ZGLP1: variants seen among roughly 807,000 people sequenced by gnomAD.
The protein encoded by ZGLP1 is GATA-type zinc finger protein 1.
In ZGLP1, 11 loss-of-function variants were observed where a neutral mutation model predicts 21.4. The observed-to-expected ratio is 0.51, with a 90% confidence interval of 0.32 to 0.85. ZGLP1 has a LOEUF of 0.85. Ranked by LOEUF, ZGLP1 falls within the 40% of genes least tolerant of loss-of-function variation. ZGLP1 has a pLI of 0.03. For missense variants in ZGLP1, 295 were observed against 355.6 expected, an observed-to-expected ratio of 0.83 and a Z score of 1.37; for synonymous variants, 148 against 145.0, an observed-to-expected ratio of 1.02 and a Z score of -0.15.
chr19:10,308,694 G>C, exon 1 of ZGLP1: 8 of 1,485,954 alleles, frequency 5.4e-6, no homozygotes, highest in Non-Finnish European at 7.2e-6. Context: ...CTAACTCTGG[G>C]TGGAAGGTTT....
Position 10,305,320 on chromosome 19 carries a change from C to T in ZGLP1, c.698+70G>A. 6.5e-7 allele frequency: 1 copy of T among 1,546,450 alleles called. No individual in the cohort carries two copies. Among genetic ancestry groups the T allele is most frequent in the South Asian group, 1.2e-5 (1 of 86,396 alleles). The stretch of plus-strand genomic sequence containing the variant: ...GGTGTTTTGCTTTTTGCTTTCCCCA[C>T]AGGCCATCCTGGTTACACGTGGACT... On this transcript the variant is annotated intron_variant, in intron 3 of 3. Transcript: ENST00000403903. This position sits in a 1 kb window ranked among gnomAD's most constrained non-coding sequence, Gnocchi z 4.7.
At position 10,305,166 on chromosome 19, in the gene ZGLP1, C is replaced by T. The variant is rs773090752; in HGVS notation, c.741G>A (p.Val247=). 21 of 1,613,898 alleles carry T rather than the reference C, an allele frequency of 1.3e-5. No individual in the cohort carries two copies. Among genetic ancestry groups the T allele is most frequent in the East Asian group, 4.5e-5 (2 of 44,896 alleles). Residue 247 remains valine, a synonymous_variant, in exon 4 of 4, where the codon GTG becomes GTA. Transcript: ENST00000403903. The surrounding 1 kb of genome is among the most constrained non-coding windows in gnomAD (Gnocchi z 4.7). ...TCTTGGGCTGGACATTTTTCCTGGG[C>T]ACCAGCCAGCAGCTGGAGCAGCGAG... is the stretch of plus-strand genomic sequence containing the variant.
chr19:10,308,140 G>C, intron 1 of ZGLP1, 45 bp downstream of exon 2: 1 of 1,507,800 alleles, frequency 6.6e-7, no homozygotes, highest in Non-Finnish European at 8.8e-7. Flanking sequence ...TGGTGTTTGC[G>C]TTGTAACTGG....
chr19:10,306,503 C>A (rs927882215), intron 1 of ZGLP1, among the ~76,000 whole-genome samples: 1 of 152,070 alleles, frequency 6.6e-6, no homozygotes, highest in South Asian at 2.1e-4. Context: ...GCTGTGTGAG[C>A]CTGGACACAT....
chr19:10,305,778 G>A lies in ZGLP1; in HGVS notation c.604+68C>T. On this transcript the variant is annotated intron_variant, in intron 2 of 3. Transcript: ENST00000403903. This position sits in a 1 kb window ranked among gnomAD's most constrained non-coding sequence, Gnocchi z 4.7. ...GCAAGATGGAGAAGGGGGGGGCAGGGAGAAAGGCAGGGAAGACAGGAAATT... is the reference window on the plus strand; with the variant it reads ...GCAAGATGGAGAAGGGGGGGGCAGGAAGAAAGGCAGGGAAGACAGGAAATT... 1 of 1,274,354 alleles carries A rather than the reference G, an allele frequency of 7.8e-7. No homozygotes were observed. The highest frequency in any genetic ancestry group is 1.1e-6 in the Non-Finnish European group (1 of 894,498). 78.9% of individuals were successfully genotyped at this position (1,274,354 alleles called of 1,614,324 possible).
intron 1 of ZGLP1, among the ~76,000 whole-genome samples, chr19:10,307,346 CTTT>C (rs543276157): frequency 3.7e-4 from 46 of 122,950 alleles, no homozygotes; most frequent in Admixed American, 4.3e-4. Context: ...CTTCCCAAAG[CTTT>C]TTTTTTTTTT....
rs1283543511 is a variant in ZGLP1 at position 10,305,366 on chromosome 19, A to G, written c.698+24T>C. ...GGACTGATTTGGGGACCCCCGCCCC[A>G]ACTCCCTCCTCCATTCTAAGGACCT... is the stretch of plus-strand genomic sequence containing the variant. On this transcript the variant is annotated intron_variant, in intron 3 of 3. Coordinates refer to ENST00000403903, the Ensembl canonical transcript of ZGLP1. The surrounding 1 kb of genome is among the most constrained non-coding windows in gnomAD (Gnocchi z 4.7). The G allele has an allele frequency of 6.4e-7, 1 of 1,573,430 alleles. No individual in the cohort carries two copies. The highest frequency in any genetic ancestry group is 2.3e-5 in the East Asian group (1 of 42,882).
exon 1 of ZGLP1, chr19:10,308,611 G>C (rs749726247): frequency 6.5e-7 from 1 of 1,545,740 alleles, no homozygotes; most frequent in Non-Finnish European, 8.7e-7. Context: ...AGCCGGCCAG[G>C]GGGTTCCAAC....
chr19:10,307,034 T>G (rs1599288050), intron 1 of ZGLP1, among the ~76,000 whole-genome samples: 1 of 151,268 alleles, frequency 6.6e-6, no homozygotes, highest in African/African-American at 2.4e-5. Flanking sequence ...CTCCAGAGGC[T>G]GAGGCAGGAG....
At chr19:10,304,989 A>C (rs981725048) in exon 4 of ZGLP1, 6 of 887,358 alleles carry the variant, frequency 6.8e-6, no homozygotes, top group African/African-American at 3.4e-5. Context: ...GAGAGGAGGC[A>C]GGCCGGCTCT....
Position 10,305,713 on chromosome 19 carries a change from G to C in ZGLP1, c.604+133C>G. The C allele has an allele frequency of 1.3e-6, 1 of 788,994 alleles. No homozygotes were observed. Among genetic ancestry groups the C allele is most frequent in the Non-Finnish European group, 2.1e-6 (1 of 469,708 alleles). The allele number at this position is 788,994 out of a possible 1,614,324, so 48.9% of individuals were successfully genotyped here. A position where few individuals can be genotyped will look rare whatever the true frequency, so the allele number is the denominator to read the frequency against. ...GGGGGTGACTCAGCCCAAGTGGAGG[G>C]GGGTGCTGCGACTCCTCCCTGAGGG... On this transcript the variant is annotated intron_variant, in intron 2 of 3. Transcript: ENST00000403903. The surrounding 1 kb of genome is among the most constrained non-coding windows in gnomAD (Gnocchi z 4.7).
chr19:10,307,119 G>C (rs2040283742), intron 1 of ZGLP1, among the ~76,000 whole-genome samples: 1 of 149,754 alleles, frequency 6.7e-6, no homozygotes, highest in Non-Finnish European at 1.5e-5. Flanking sequence ...GAACGACAGA[G>C]TGCAACTCCA....
Position 10,305,719 on chromosome 19 carries a change from C to T in ZGLP1, c.604+127G>A. Reference sequence around the variant, plus strand: ...GACTCAGCCCAAGTGGAGGGGGGTGCTGCGACTCCTCCCTGAGGGCTCTAA... The same window carrying T: ...GACTCAGCCCAAGTGGAGGGGGGTGTTGCGACTCCTCCCTGAGGGCTCTAA... On this transcript the variant is annotated intron_variant, in intron 2 of 3. Coordinates refer to ENST00000403903, the Ensembl canonical transcript of ZGLP1. This position sits in a 1 kb window ranked among gnomAD's most constrained non-coding sequence, Gnocchi z 4.7. 1.2e-6 allele frequency: 1 copy of T among 815,422 alleles called. No homozygotes were observed. The highest frequency in any genetic ancestry group is 2.0e-6 in the Non-Finnish European group (1 of 492,936). The allele number at this position is 815,422 out of a possible 1,614,324, so 50.5% of individuals were successfully genotyped here. A position where few individuals can be genotyped will look rare whatever the true frequency, so the allele number is the denominator to read the frequency against.
chr19:10,305,876 C>G lies in ZGLP1; in HGVS notation c.574G>C (p.Glu192Gln). ...GCCTCGCTGCCTGCTGAGTGGGCCT[C>G]GGTGCCTCCTGGGTGGGCTGCAGGG... is the stretch of plus-strand genomic sequence containing the variant. Residue 192 changes from glutamate to glutamine, a missense_variant, in exon 2 of 4, where the codon GAG becomes CAG. Physicochemically the swap from Glu to Gln is conservative, Grantham distance 29. Transcript: ENST00000403903. This position sits in a 1 kb window ranked among gnomAD's most constrained non-coding sequence, Gnocchi z 4.7. The G allele has an allele frequency of 6.4e-7, 1 of 1,560,512 alleles. No individual in the cohort carries two copies. The highest frequency in any genetic ancestry group is 1.4e-5 in the African/African-American group (1 of 73,864).
chr19:10,308,143 G>T (rs1599288582), intron 1 of ZGLP1, 42 bp downstream of exon 2: 3 of 1,508,890 alleles, frequency 2.0e-6, no homozygotes, highest in African/African-American at 2.8e-5. Context: ...TGTTTGCGTT[G>T]TAACTGGGAG....
rs75999940 is a variant in ZGLP1 at position 10,305,734 on chromosome 19, G to A, written c.604+112C>T. 4,045 of 926,876 alleles carry A rather than the reference G, an allele frequency of 4.4e-3. 86 individuals carry two copies. The African/African-American group carries it at 0.057, about 13-fold the overall frequency. The allele number at this position is 926,876 out of a possible 1,614,324, so 57.4% of individuals were successfully genotyped here. A position where few individuals can be genotyped will look rare whatever the true frequency, so the allele number is the denominator to read the frequency against. On this transcript the variant is annotated intron_variant, in intron 2 of 3. Coordinates refer to ENST00000403903, the Ensembl canonical transcript of ZGLP1. This position sits in a 1 kb window ranked among gnomAD's most constrained non-coding sequence, Gnocchi z 4.7. ...GAGGGGGGTGCTGCGACTCCTCCCTGAGGGCTCTAAATGGGGAAGCAAGAT... is the reference window on the plus strand; with the variant it reads ...GAGGGGGGTGCTGCGACTCCTCCCTAAGGGCTCTAAATGGGGAAGCAAGAT...
At chr19:10,307,112 C>T (rs954453233) in intron 1 of ZGLP1, among the ~76,000 whole-genome samples, 21 of 148,480 alleles carry the variant, frequency 1.4e-4, no homozygotes, top group African/African-American at 4.2e-4. Flanking sequence ...CCAGCCTGAA[C>T]GACAGAGTGC....
exon 1 of ZGLP1, chr19:10,308,684 C>T: frequency 6.7e-7 from 1 of 1,492,092 alleles, no homozygotes; most frequent in Non-Finnish European, 8.9e-7. Context: ...TCAGTCATTT[C>T]TAACTCTGGG....
Position 10,305,961 on chromosome 19 carries a change from C to T in ZGLP1, c.498-9G>A. On this transcript the variant is annotated splice_polypyrimidine_tract_variant and intron_variant, in intron 1 of 3. Coordinates refer to ENST00000403903, the Ensembl canonical transcript of ZGLP1. This position sits in a 1 kb window ranked among gnomAD's most constrained non-coding sequence, Gnocchi z 4.7. ...GGCTACTGCAGGGCAGGCTGTGGGG[C>T]AGACAAGGTATTAGCACTGGGGGGG... 1 of 1,549,554 alleles carries T rather than the reference C, an allele frequency of 6.5e-7. No homozygotes were observed. The highest frequency in any genetic ancestry group is 2.4e-5 in the East Asian group (1 of 41,490).
Sources: allele counts gnomAD v4.1 joint callset (sites outside exome capture counted in the v4.1 genomes callset), GRCh38; gene constraint gnomAD v4.1.1; non-coding constraint Gnocchi (gnomAD v3.1); transcripts MANE v1.5; gene names NCBI Gene and HGNC (gene_info 2026-07-23, HGNC 2026-07-21).